TULP4: variants seen among roughly 807,000 people sequenced by gnomAD.
The protein encoded by TULP4 is TUB like protein 4.
A neutral mutation model predicts 129.0 loss-of-function variants in TULP4; 16 were observed. The observed-to-expected ratio is 0.12, with a 90% confidence interval of 0.08 to 0.19. The LOEUF is 0.19. Among genes scored for constraint, TULP4 ranks in the 10% least tolerant of loss-of-function variants. TULP4 has a pLI of 1.00. For synonymous variants in TULP4, 998 were observed against 854.0 expected (o/e 1.17, Z -2.94); for missense variants, 1,842 against 2,059.1 (o/e 0.89, Z 2.04).
intron 1 of TULP4, among the ~76,000 whole-genome samples, chr6:158,342,110 G>A (rs9346753): frequency 0.86 from 130,780 of 151,928 alleles, 56,710 homozygotes; most frequent in South Asian, 0.93. Flanking sequence ...TAGAAACAGT[G>A]TTTCACCATG....
chr6:158,276,155 A>G (rs1416684311), intron 1 of TULP4, among the ~76,000 whole-genome samples: 3 of 151,950 alleles, frequency 2.0e-5, no homozygotes, highest in African/African-American at 7.3e-5. Flanking sequence ...TTTTTAGTAG[A>G]GACGGGGTTT....
intron 2 of TULP4, among the ~76,000 whole-genome samples, chr6:158,415,563 C>T (rs549433920): frequency 6.0e-5 from 9 of 149,724 alleles, no homozygotes; most frequent in East Asian, 5.9e-4. Context: ...GGTTTCACCA[C>T]GTTAGCCAGG....
At chr6:158,268,648 G>C (rs1301022571) in intron 1 of TULP4, among the ~76,000 whole-genome samples, 1 of 152,014 alleles carries the variant, frequency 6.6e-6, no homozygotes, top group Non-Finnish European at 1.5e-5. Flanking sequence ...GAATTTTGGG[G>C]GGACACCAAC....
rs1779255333 is a variant in TULP4 at position 158,454,785 on chromosome 6, T to C, written c.859+2517T>C. Among the ~76,000 whole-genome samples, 6 of 152,010 alleles carry C rather than the reference T, an allele frequency of 3.9e-5. No homozygotes were observed. The South Asian group carries it at 1.2e-3, about 32-fold the overall frequency. ...CACGCCTGGCTAATTTTGGTATTTT[T>C]GGTAGAGATGGGGTTTCATCGTATT... On this transcript the variant is annotated intron_variant, in intron 5 of 13. Transcript: ENST00000367097.
chr6:158,427,841 T>C (rs2115053498), intron 2 of TULP4: 1 of 152,278 alleles, frequency 6.6e-6, no homozygotes, highest in African/African-American at 2.4e-5. Context: ...AAGTTTAGAC[T>C]GGGCACAGTG....
chr6:158,276,279 TTTC>T (rs1217766107), intron 1 of TULP4, among the ~76,000 whole-genome samples: 5 of 150,258 alleles, frequency 3.3e-5, no homozygotes, highest in Non-Finnish European at 5.9e-5. Flanking sequence ...TGGGAGACTT[TTTC>T]TTCTTCCTTC....
intron 1 of TULP4, among the ~76,000 whole-genome samples, chr6:158,378,485 T>TTTTTTTTTTG (rs1554285635): frequency 1.4e-3 from 74 of 51,374 alleles, no homozygotes; most frequent in African/African-American, 2.0e-3. Context: ...TTTTTTTTTT[T>TTTTTTTTTTG]GGTGGGGGTG....
chr6:158,402,305 C>T (rs1777870619), intron 1 of TULP4, among the ~76,000 whole-genome samples: 1 of 151,472 alleles, frequency 6.6e-6, no homozygotes, highest in African/African-American at 2.4e-5. Flanking sequence ...TGTGGCAACA[C>T]TGGACTGCAA....
chr6:158,262,549 C>T (rs1778370516), intron 1 of TULP4, among the ~76,000 whole-genome samples: 1 of 152,204 alleles, frequency 6.6e-6, no homozygotes, highest in African/African-American at 2.4e-5. Context: ...CTGGATAAGG[C>T]TCCTGCCCAT....
chr6:158,240,723 C>T (rs1236616818), intron 1 of TULP4, among the ~76,000 whole-genome samples: 4 of 125,516 alleles, frequency 3.2e-5, no homozygotes, highest in Non-Finnish European at 5.3e-5. Flanking sequence ...CCCTCCCGGA[C>T]GGGGCGGCTG....
intron 6 of TULP4, among the ~76,000 whole-genome samples, chr6:158,464,747 G>A (rs552700252): frequency 3.5e-4 from 53 of 152,186 alleles, no homozygotes; most frequent in South Asian, 6.2e-4. Flanking sequence ...CAGGCTTCAG[G>A]GTGAATAAAT....
chr6:158,405,863 C>A (rs774208962), intron 1 of TULP4, among the ~76,000 whole-genome samples: 1 of 152,202 alleles, frequency 6.6e-6, no homozygotes, highest in Non-Finnish European at 1.5e-5. Flanking sequence ...CCACCAGGAA[C>A]GTCTTAGTTT....
chr6:158,447,666 C>A (rs1360415722), intron 3 of TULP4, among the ~76,000 whole-genome samples: 3 of 152,152 alleles, frequency 2.0e-5, no homozygotes, highest in African/African-American at 7.2e-5. Flanking sequence ...GACTGTCTCT[C>A]CCCCAAGGAG....
rs1266869451 is a variant in TULP4, at chr6:158,509,864, A to T, written c.*3170A>T. 2 of 127,648 alleles carry T rather than the reference A, an allele frequency of 1.6e-5. No homozygotes were observed. Among genetic ancestry groups the T allele is most frequent in the African/African-American group, 6.3e-5 (2 of 31,834 alleles). 7.9% of individuals were successfully genotyped at this position (127,648 alleles called of 1,614,324 possible). A position where few individuals can be genotyped will look rare whatever the true frequency, so the allele number is the denominator to read the frequency against. On this transcript the variant is annotated 3_prime_UTR_variant, in exon 14 of 14. Transcript: ENST00000367097. ...GTTAATAGTGGTGGTCTTATTTTCA[A>T]CTATGCTTTCATTCAGTCAGTCTCT...
At chr6:158,274,878 AC>A (rs1778615577) in intron 1 of TULP4, among the ~76,000 whole-genome samples, 1 of 152,164 alleles carries the variant, frequency 6.6e-6, no homozygotes, top group Non-Finnish European at 1.5e-5. Context: ...TCCTAAGCAA[AC>A]CCCCAACGTC....
intron 3 of TULP4, among the ~76,000 whole-genome samples, 170 bp downstream of exon 3, chr6:158,430,067 T>G (rs1752547590): frequency 5.9e-5 from 9 of 152,160 alleles, no homozygotes; most frequent in Admixed American, 5.9e-4. Flanking sequence ...AAATGAACCA[T>G]AAATTGGAAA....
At position 158,313,997 on chromosome 6, in the gene TULP4, A is replaced by C; in HGVS notation, c.-20A>C. ...AGCATTAACATTACTTTTTAAGTAA[A>C]ACAGTTCATTGAAGAAAGTATGTAT... On this transcript the variant is annotated 5_prime_UTR_variant, in exon 1 of 14. Transcript: ENST00000367097. The C allele has an allele frequency of 6.2e-7, 1 of 1,607,606 alleles. No homozygotes were observed. Among genetic ancestry groups the C allele is most frequent in the Non-Finnish European group, 8.5e-7 (1 of 1,175,104 alleles).
At chr6:158,375,911 G>A (rs1485343209) in intron 1 of TULP4, among the ~76,000 whole-genome samples, 1 of 152,220 alleles carries the variant, frequency 6.6e-6, no homozygotes, top group African/African-American at 2.4e-5. Flanking sequence ...GCAGGAACAA[G>A]GGAGATCATT....
intron 1 of TULP4, among the ~76,000 whole-genome samples, chr6:158,248,048 C>A (rs1331269546): frequency 1.3e-5 from 2 of 152,188 alleles, no homozygotes; most frequent in Non-Finnish European, 2.9e-5. Context: ...AACCCATCAG[C>A]CAAAGCTGAC....
Sources: gnomAD v4.1 joint callset for allele counts (sites outside exome capture counted in the v4.1 genomes callset) on GRCh38, gnomAD v4.1.1 for gene constraint, MANE v1.5 for transcripts, NCBI Gene and HGNC (gene_info 2026-07-23, HGNC 2026-07-21) for gene names.